The following MALRD1 variants were observed in gnomAD, a reference collection of about 807,000 sequenced individuals.
MALRD1 encodes the protein MAM and LDL-receptor class A domain-containing protein 1.
MALRD1 carries 247 observed loss-of-function variants against 242.1 expected under a neutral mutation model. The ratio of observed to expected loss-of-function variants is 1.02; its 90% confidence interval spans 0.92 to 1.13. The LOEUF (loss-of-function observed/expected upper bound fraction) is 1.13. MALRD1 is among the 50% of genes most tolerant of loss of function. MALRD1 has a pLI of 0.00. For missense variants in MALRD1, 2,989 were observed against 2,533.1 expected, an observed-to-expected ratio of 1.18 and a Z score of -3.86; for synonymous variants, 995 against 866.6, an observed-to-expected ratio of 1.15 and a Z score of -2.60.
At chr10:19,638,101 C>CAA (rs56865342) in intron 36 of MALRD1, among the ~76,000 whole-genome samples, 1,482 of 41,846 alleles carry the variant, frequency 0.035, 197 homozygotes, top group East Asian at 0.14. Context: ...AACTCACTCT[C>CAA]AAAAAAAAAA....
At chr10:19,199,271 G>A (rs1242906869) in intron 14 of MALRD1, among the ~76,000 whole-genome samples, 1 of 152,166 alleles carries the variant, frequency 6.6e-6, no homozygotes, top group Non-Finnish European at 1.5e-5. Context: ...GTGTCCCGTG[G>A]TCATACATGT....
intron 33 of MALRD1, among the ~76,000 whole-genome samples, chr10:19,590,055 C>T (rs895618347): frequency 2.6e-5 from 4 of 152,076 alleles, no homozygotes; most frequent in African/African-American, 9.7e-5. Context: ...CCAAGCAGCT[C>T]ACTGGGCATA....
At chr10:19,204,281 G>GTTTT (rs71387054) in intron 15 of MALRD1, 27 bp from the exon 16 acceptor site, 148 of 1,042,730 alleles carry the variant, frequency 1.4e-4, no homozygotes, top group African/African-American at 1.3e-3. Flanking sequence ...TTAATGAAGC[G>GTTTT]TTTTTTTTTT....
chr10:19,296,541 A>T (rs1292684158), intron 21 of MALRD1, among the ~76,000 whole-genome samples: 14 of 152,056 alleles, frequency 9.2e-5, no homozygotes. Flanking sequence ...TATTTTCTGG[A>T]GGTTTTATCA....
chr10:19,532,005 T>TA (rs1301280848), intron 32 of MALRD1, among the ~76,000 whole-genome samples: 1 of 152,174 alleles, frequency 6.6e-6, no homozygotes, highest in Non-Finnish European at 1.5e-5. Context: ...TTTGAATAAA[T>TA]ACAATTGGGA....
At chr10:19,543,451 T>TTTTTTTTTTTTGA (rs1554796763) in intron 32 of MALRD1, among the ~76,000 whole-genome samples, 1 of 143,722 alleles carries the variant, frequency 7.0e-6, no homozygotes, top group Non-Finnish European at 1.5e-5. Context: ...TTTTTTTTTT[T>TTTTTTTTTTTTGA]GAGAGAGAAA....
chr10:19,499,014 A>G (rs575888884), intron 31 of MALRD1, among the ~76,000 whole-genome samples: 29 of 152,294 alleles, frequency 1.9e-4, no homozygotes, highest in African/African-American at 6.3e-4. Flanking sequence ...TGTTGTGACA[A>G]TGGCCAGTCA....
intron 26 of MALRD1, among the ~76,000 whole-genome samples, chr10:19,360,407 TTAAATA>T (rs1844838233): frequency 3.3e-5 from 5 of 152,126 alleles, no homozygotes; most frequent in Admixed American, 3.3e-4. Flanking sequence ...TCTCTCTCCT[TTAAATA>T]TAAGATATTT....
In MALRD1 at chr10:19,271,688, G is replaced by A. The variant is rs545761642; in HGVS notation, c.3080-8359G>A. ...TGAGGCAGGAGAATCACTTGAACCC[G>A]GGAGGTGGAGGTTGCAGTGAGCCGA... is the stretch of plus-strand genomic sequence containing the variant. On this transcript the variant is annotated intron_variant, in intron 19 of 39. Transcript: ENST00000454679. Among the ~76,000 whole-genome samples, 12 of 150,704 alleles carry A rather than the reference G, an allele frequency of 8.0e-5. No homozygotes were observed. In the South Asian group the frequency reaches 1.5e-3, roughly 19 times the overall value.
chr10:19,366,121 TTATTTC>T (rs1443168733), intron 26 of MALRD1, among the ~76,000 whole-genome samples: 3 of 152,130 alleles, frequency 2.0e-5, no homozygotes, highest in East Asian at 1.9e-4. Flanking sequence ...ATTGTATACT[TTATTTC>T]TATTATTATT....
intron 28 of MALRD1, among the ~76,000 whole-genome samples, chr10:19,400,836 T>G (rs1846805333): frequency 6.6e-6 from 1 of 151,992 alleles, no homozygotes; most frequent in South Asian, 2.1e-4. Context: ...GTCAATATGG[T>G]GAAACCCTAC....
intron 19 of MALRD1, among the ~76,000 whole-genome samples, chr10:19,258,537 G>A (rs756893220): frequency 3.3e-5 from 5 of 152,090 alleles, no homozygotes; most frequent in Admixed American, 2.0e-4. Flanking sequence ...CTCAATTGCC[G>A]AAAACGTAAC....
At chr10:19,296,863 A>T (rs1051874280) in intron 21 of MALRD1, among the ~76,000 whole-genome samples, 1 of 151,574 alleles carries the variant, frequency 6.6e-6, no homozygotes, top group Non-Finnish European at 1.5e-5. Flanking sequence ...TGAGCACATG[A>T]TGTAATTTTA....
intron 29 of MALRD1, among the ~76,000 whole-genome samples, chr10:19,480,095 G>T (rs188769359): frequency 6.6e-5 from 10 of 152,322 alleles, no homozygotes; most frequent in Admixed American, 6.5e-4. Context: ...GCTGAGGAGG[G>T]ACAAGTGCGT....
chr10:19,465,642 C>T (rs1836184476), intron 29 of MALRD1, among the ~76,000 whole-genome samples: 1 of 152,116 alleles, frequency 6.6e-6, no homozygotes. Context: ...GCAATCCTCC[C>T]ACCTCAGCCT....
intron 28 of MALRD1, among the ~76,000 whole-genome samples, chr10:19,418,905 C>CA (rs1833611170): frequency 6.6e-6 from 1 of 152,164 alleles, no homozygotes; most frequent in East Asian, 1.9e-4. Context: ...CTCTTAGTGC[C>CA]TGGGACAGTG....
intron 36 of MALRD1, among the ~76,000 whole-genome samples, chr10:19,647,349 C>A (rs1242420930): frequency 6.6e-6 from 1 of 152,162 alleles, no homozygotes; most frequent in African/African-American, 2.4e-5. Flanking sequence ...CACTATTAGA[C>A]CAGCCTGTTA....
intron 29 of MALRD1, among the ~76,000 whole-genome samples, chr10:19,454,405 GATATATATAT>G (rs141643131): frequency 1.7e-4 from 14 of 80,558 alleles, no homozygotes; most frequent in African/African-American, 3.3e-4. Context: ...TTATGCATAT[GATATATATAT>G]ATATATATAT....
chr10:19,538,448 C>T (rs1834783291), intron 32 of MALRD1, among the ~76,000 whole-genome samples: 1 of 152,168 alleles, frequency 6.6e-6, no homozygotes, highest in Non-Finnish European at 1.5e-5. Flanking sequence ...CAGTTACCTA[C>T]TTACATGTCA....
Sources: gnomAD v4.1 joint callset for allele counts (sites outside exome capture counted in the v4.1 genomes callset) on GRCh38, gnomAD v4.1.1 for gene constraint, MANE v1.5 for transcripts, NCBI Gene and HGNC (gene_info 2026-07-23, HGNC 2026-07-21) for gene names.